Variants in TCF4 observed in about 807,000 individuals in gnomAD.
TCF4 encodes SL3-3 enhancer factor 2.
A neutral mutation model predicts 82.1 loss-of-function variants in TCF4; 3 were observed. The ratio of observed to expected loss-of-function variants is 0.04; its 90% CI spans 0.02 to 0.09. TCF4 has a LOEUF of 0.09. Among genes scored for constraint, TCF4 ranks in the 10% least tolerant of loss-of-function variants. The pLI is 1.00. For synonymous variants in TCF4, 276 were observed against 309.6 expected (o/e 0.89, Z 1.14); for missense variants, 518 against 852.7 (o/e 0.61, Z 4.89).
At chr18:55,518,716 T>C (rs1414934425) in intron 3 of TCF4, among the ~76,000 whole-genome samples, 1 of 152,202 alleles carries the variant, frequency 6.6e-6, no homozygotes, top group Non-Finnish European at 1.5e-5. Flanking sequence ...AAAATCAGTT[T>C]ATCAGTAACA....
intron 5 of TCF4, among the ~76,000 whole-genome samples, chr18:55,427,376 C>A (rs1272826728): frequency 1.3e-5 from 2 of 152,074 alleles, no homozygotes; most frequent in East Asian, 3.9e-4. Flanking sequence ...TTCCTCAGCT[C>A]CCTTGAGAAA....
chr18:55,566,033 T>C (rs1429056761), intron 3 of TCF4, among the ~76,000 whole-genome samples: 1 of 138,742 alleles, frequency 7.2e-6, no homozygotes, highest in Admixed American at 7.3e-5. Context: ...ACCCCATCTC[T>C]ACTAAAAATA....
intron 3 of TCF4, among the ~76,000 whole-genome samples, chr18:55,530,373 C>T (rs1315970379): frequency 6.6e-6 from 1 of 151,960 alleles, no homozygotes; most frequent in Non-Finnish European, 1.5e-5. Context: ...GACGGGACAC[C>T]AGGATGGGGT....
At chr18:55,253,158 T>C (rs187233393) in intron 15 of TCF4, among the ~76,000 whole-genome samples, 108 of 152,316 alleles carry the variant, frequency 7.1e-4, no homozygotes, top group African/African-American at 2.5e-3. Context: ...TGGTTGCAGA[T>C]TTCAATACTA....
chr18:55,548,823 A>G (rs2097230985), intron 3 of TCF4, among the ~76,000 whole-genome samples: 1 of 152,212 alleles, frequency 6.6e-6, no homozygotes, highest in Admixed American at 6.5e-5. Context: ...ATAGTATAAA[A>G]GATAAAAGAT....
chr18:55,464,783 T>A (rs930142410), intron 3 of TCF4, among the ~76,000 whole-genome samples: 2 of 152,196 alleles, frequency 1.3e-5, no homozygotes, highest in African/African-American at 4.8e-5. Flanking sequence ...GGTTTTGATA[T>A]GTGGAAATGA....
chr18:55,548,385 T>G (rs571084983), intron 3 of TCF4, among the ~76,000 whole-genome samples: 13 of 152,356 alleles, frequency 8.5e-5, no homozygotes, highest in African/African-American at 2.9e-4. Flanking sequence ...TTATTCCTTC[T>G]GGTTCCTGGT....
At chr18:55,462,004 G>A (rs2095875494) in intron 4 of TCF4, among the ~76,000 whole-genome samples, 1 of 152,144 alleles carries the variant, frequency 6.6e-6, no homozygotes, top group Non-Finnish European at 1.5e-5. Context: ...CTGCTCAGCT[G>A]GTGGAACTGC....
intron 8 of TCF4, among the ~76,000 whole-genome samples, chr18:55,346,262 A>C (rs1412665288): frequency 6.6e-6 from 1 of 152,150 alleles, no homozygotes; most frequent in Non-Finnish European, 1.5e-5. Context: ...CCTAATATCT[A>C]ATACACATTG....
chr18:55,331,452 C>T (rs149190414), intron 8 of TCF4, among the ~76,000 whole-genome samples: 3 of 152,302 alleles, frequency 2.0e-5, no homozygotes, highest in African/African-American at 4.8e-5. Flanking sequence ...TTGTCCTGTG[C>T]TCCAACAATA....
chr18:55,251,718 C>G (rs2055164869), intron 15 of TCF4, among the ~76,000 whole-genome samples: 1 of 152,146 alleles, frequency 6.6e-6, no homozygotes, highest in Admixed American at 6.6e-5. Flanking sequence ...AACTCGCTTC[C>G]GCCCAGAACA....
At chr18:55,627,309 C>T (rs891945946) in intron 2 of TCF4, among the ~76,000 whole-genome samples, 2 of 152,066 alleles carry the variant, frequency 1.3e-5, no homozygotes, top group African/African-American at 2.4e-5. Flanking sequence ...GAGAGAAAAG[C>T]CATAGAATTC....
At chr18:55,321,618 C>G (rs1158892154) in intron 8 of TCF4, 2 of 1,536,054 alleles carry the variant, frequency 1.3e-6, no homozygotes, top group Admixed American at 2.0e-5. Flanking sequence ...ATGCTCATCC[C>G]TGCGACAATA....
intron 8 of TCF4, among the ~76,000 whole-genome samples, chr18:55,283,529 A>G (rs1214336766): frequency 1.3e-5 from 2 of 152,172 alleles, no homozygotes; most frequent in African/African-American, 4.8e-5. Context: ...CACATACATT[A>G]TATCTAACCT....
chr18:55,287,814 T>C (rs1186398344), intron 8 of TCF4, among the ~76,000 whole-genome samples: 1 of 152,218 alleles, frequency 6.6e-6, no homozygotes. Context: ...CTTTCTTCCC[T>C]TCATCAAAAG....
At chr18:55,550,194 A>C (rs902540215) in intron 3 of TCF4, 2 of 152,254 alleles carry the variant, frequency 1.3e-5, no homozygotes, top group African/African-American at 4.8e-5. Context: ...AAAAGTGAAC[A>C]GAATGAAACA....
chr18:55,420,686 T>C (rs1041155152), intron 5 of TCF4, among the ~76,000 whole-genome samples: 12 of 152,172 alleles, frequency 7.9e-5, no homozygotes. Flanking sequence ...TTCAGCGTTA[T>C]AAAATTACAA....
At chr18:55,246,935 G>T (rs1406168282) in intron 15 of TCF4, among the ~76,000 whole-genome samples, 2 of 152,130 alleles carry the variant, frequency 1.3e-5, no homozygotes, top group Non-Finnish European at 2.9e-5. Flanking sequence ...CTGTAACAGG[G>T]TATTTAGAAA....
chr18:55,554,552 A>T (rs894356533), intron 3 of TCF4, among the ~76,000 whole-genome samples: 1 of 152,204 alleles, frequency 6.6e-6, no homozygotes, highest in African/African-American at 2.4e-5. Flanking sequence ...TCTCATGTAT[A>T]AAACTGAAAT....
Sources: allele counts gnomAD v4.1 joint callset (sites outside exome capture counted in the v4.1 genomes callset), GRCh38; gene constraint gnomAD v4.1.1; transcripts MANE v1.5; gene names NCBI Gene and HGNC (gene_info 2026-07-23, HGNC 2026-07-21).